The following AKAP12 variants were observed in gnomAD, a reference collection of about 807,000 sequenced individuals.
AKAP12 encodes A-kinase anchor protein 12.
Under a neutral mutation model 79.9 loss-of-function variants are expected in AKAP12, and 32 were observed. That is an observed-to-expected ratio of 0.40 (90% CI 0.30 to 0.54). The LOEUF (loss-of-function observed/expected upper bound fraction) is 0.54. AKAP12 is among the 20% of genes least tolerant of loss of function. The pLI, the probability that AKAP12 is intolerant of heterozygous loss-of-function variation, is 0.48. For missense variants in AKAP12, 2,074 were observed against 2,177.0 expected (o/e 0.95, Z 0.94); for synonymous variants, 808 against 857.0 (o/e 0.94, Z 1.00).
intron 2 of AKAP12, among the ~76,000 whole-genome samples, chr6:151,297,630 G>C (rs74295858): frequency 0.084 from 12,761 of 151,338 alleles, 718 homozygotes; most frequent in East Asian, 0.28. Context: ...GTGCAAGTCT[G>C]TGATTTCAAG....
At chr6:151,272,120 A>G (rs1197145937) in intron 2 of AKAP12, among the ~76,000 whole-genome samples, 1 of 152,092 alleles carries the variant, frequency 6.6e-6, no homozygotes, top group Non-Finnish European at 1.5e-5. Context: ...TGGGATGATC[A>G]CTTGAGGTGA....
intron 2 of AKAP12, among the ~76,000 whole-genome samples, chr6:151,281,776 C>G (rs1453172456): frequency 6.6e-6 from 1 of 151,786 alleles, no homozygotes; most frequent in Non-Finnish European, 1.5e-5. Context: ...GCCTTGACTT[C>G]CTGGGCTCAG....
rs559337458 is a variant in AKAP12, at chr6:151,292,277, C to T, written c.163-13470C>T. On this transcript the variant is annotated intron_variant, in intron 2 of 4. Transcript: ENST00000402676. The stretch of plus-strand genomic sequence containing the variant: ...AAGCAATTTTGCTTGTTCTTTTTCT[C>T]TTTCAGTCGAATGGAGCATGGACTT... Among the ~76,000 whole-genome samples the T allele has an allele frequency of 1.8e-4, 27 of 152,262 alleles. No homozygotes were observed. The South Asian group carries it at 5.6e-3, about 32-fold the overall frequency.
chr6:151,319,379 A>G (rs1582877857), intron 3 of AKAP12, among the ~76,000 whole-genome samples: 2 of 151,392 alleles, frequency 1.3e-5, no homozygotes, highest in Non-Finnish European at 2.9e-5. Context: ...CAGGGTGTGT[A>G]TAGATAGATA....
At chr6:151,308,392 C>T (rs9371212) in intron 3 of AKAP12, among the ~76,000 whole-genome samples, 46,782 of 151,334 alleles carry the variant, frequency 0.31, 7,450 homozygotes, top group African/African-American at 0.39. Context: ...TTTGTATTTT[C>T]AGTAGAGACA....
intron 2 of AKAP12, among the ~76,000 whole-genome samples, chr6:151,272,822 G>A (rs1055357401): frequency 2.0e-5 from 3 of 152,156 alleles, no homozygotes; most frequent in Admixed American, 6.5e-5. Flanking sequence ...GTAAGGCACC[G>A]CACCCAACCC....
intron 3 of AKAP12, among the ~76,000 whole-genome samples, chr6:151,312,758 C>G (rs565689446): frequency 2.8e-5 from 4 of 140,698 alleles, no homozygotes; most frequent in East Asian, 2.1e-4. Flanking sequence ...TGCCACTGCA[C>G]TCCAGCCTAG....
At chr6:151,284,168 T>C (rs549808316) in intron 2 of AKAP12, among the ~76,000 whole-genome samples, 1 of 152,288 alleles carries the variant, frequency 6.6e-6, no homozygotes, top group African/African-American at 2.4e-5. Flanking sequence ...TCCTCCTGGT[T>C]ATTGCTCCAT....
At chr6:151,319,666 AC>A (rs979294194) in intron 3 of AKAP12, 8 of 156,558 alleles carry the variant, frequency 5.1e-5, no homozygotes, top group African/African-American at 1.7e-4. Flanking sequence ...AGGTGAGGTC[AC>A]CCCACTGATT....
intron 3 of AKAP12, among the ~76,000 whole-genome samples, chr6:151,343,784 A>G (rs1254860438): frequency 2.9e-5 from 4 of 139,580 alleles, no homozygotes; most frequent in African/African-American, 9.8e-5. Flanking sequence ...GACTGGTTCA[A>G]AAAAAGAAAA....
intron 3 of AKAP12, chr6:151,324,257 A>G (rs1339317533): frequency 1.0e-6 from 1 of 985,436 alleles, no homozygotes; most frequent in South Asian, 4.7e-5. Context: ...GACAAGGCCC[A>G]TCATTCCCTG....
At chr6:151,344,043 G>A (rs1252777389) in intron 3 of AKAP12, 1 of 363,704 alleles carries the variant, frequency 2.7e-6, no homozygotes, top group African/African-American at 2.2e-5. Context: ...TAATATGAGT[G>A]TTTAATTTTT....
At chr6:151,259,579 CTTTTT>C (rs35514304) in intron 2 of AKAP12, among the ~76,000 whole-genome samples, 2 of 102,832 alleles carry the variant, frequency 1.9e-5, no homozygotes, top group Non-Finnish European at 3.6e-5. Flanking sequence ...CCTTTTTTTC[CTTTTT>C]TTTTTTTTTT....
intron 2 of AKAP12, among the ~76,000 whole-genome samples, 158 bp downstream of exon 2, chr6:151,240,882 A>T (rs1796959873): frequency 6.6e-6 from 1 of 152,076 alleles, no homozygotes; most frequent in African/African-American, 2.4e-5. Context: ...GAGGCTTTTC[A>T]GGGTCTTTCG....
intron 2 of AKAP12, among the ~76,000 whole-genome samples, chr6:151,278,185 A>G (rs921035247): frequency 6.7e-6 from 1 of 150,240 alleles, no homozygotes; most frequent in Non-Finnish European, 1.5e-5. Context: ...GGGAATTCAG[A>G]TGTTGTGTTT....
chr6:151,240,634 G>T lies in AKAP12; in HGVS notation c.72G>T (p.Glu24Asp). ...CCGAGGGGAGCTCCACGCCGGCTGA[G>T]CCCGAGCCCAGCGGCGGCGGCCCCT... Reference protein sequence around the residue: ...QPPEGSSTPAEPEPSGGGPSA... With the variant: ...QPPEGSSTPADPEPSGGGPSA... The change falls in exon 2 of 5, where the codon GAG (glutamate) becomes GAT (aspartate). Residue 24 changes from glutamate (E) to aspartate (D), a missense_variant. Coordinates refer to ENST00000402676, the MANE Select transcript of AKAP12 (RefSeq NM_005100.4). 7.3e-7 allele frequency: 1 copy of T among 1,362,436 alleles called. No individual in the cohort carries two copies. Among genetic ancestry groups the T allele is most frequent in the Non-Finnish European group, 9.4e-7 (1 of 1,061,680 alleles). 84.4% of individuals were successfully genotyped at this position (1,362,436 alleles called of 1,614,324 possible).
intron 2 of AKAP12, among the ~76,000 whole-genome samples, chr6:151,248,653 A>G (rs920266527): frequency 6.6e-6 from 1 of 152,164 alleles, no homozygotes; most frequent in African/African-American, 2.4e-5. Flanking sequence ...AAAGGAAAAT[A>G]TTTCTTCCAC....
rs188861470 is a variant in AKAP12, at chr6:151,322,307, G to A, written c.319+16404G>A. ...CTAATAACGTTGGACGTATTTTCAT[G>A]TGCTCATTGGTCATTTGTATATTTT... On this transcript the variant is annotated intron_variant, in intron 3 of 4. Coordinates refer to ENST00000402676, the MANE Select transcript of AKAP12 (RefSeq NM_005100.4). Among the ~76,000 whole-genome samples the A allele has an allele frequency of 2.8e-3, 430 of 152,226 alleles. 1 individual carries two copies. The highest frequency in any genetic ancestry group is 6.8e-3 in the Middle Eastern group (2 of 294).
chr6:151,255,225 G>A (rs574931690), intron 2 of AKAP12, among the ~76,000 whole-genome samples: 1 of 152,098 alleles, frequency 6.6e-6, no homozygotes, highest in Admixed American at 6.5e-5. Flanking sequence ...GAGTGCAGTG[G>A]CACGATCTCG....
Sources: gnomAD v4.1 joint callset for allele counts (sites outside exome capture counted in the v4.1 genomes callset) on GRCh38, gnomAD v4.1.1 for gene constraint, MANE v1.5 for transcripts, NCBI Gene and HGNC (gene_info 2026-07-23, HGNC 2026-07-21) for gene names.